FLII: variants seen among roughly 807,000 people sequenced by gnomAD.
FLII encodes the protein protein flightless-1 homolog.
FLII carries 101 observed loss-of-function variants against 156.2 expected under a neutral mutation model. That is an observed-to-expected ratio of 0.65 (90% confidence interval 0.55 to 0.76). The LOEUF is 0.76. FLII is among the 30% of genes least tolerant of loss of function. FLII has a pLI of 0.00. For synonymous variants in FLII, 767 were observed against 685.8 expected (o/e 1.12, Z -1.85); for missense variants, 1,675 against 1,682.8 (o/e 1.00, Z 0.08).
Position 18,245,289 on chromosome 17 carries a change from G to A in FLII, c.3676-17C>T, listed in dbSNP as rs377010006. The A allele has an allele frequency of 1.1e-5, 17 of 1,612,336 alleles. No individual in the cohort carries two copies. Among genetic ancestry groups the A allele is most frequent in the East Asian group, 2.2e-5 (1 of 44,792 alleles). On this transcript the variant is annotated splice_polypyrimidine_tract_variant and intron_variant, in intron 29 of 29. Transcript: ENST00000327031. The stretch of plus-strand genomic sequence containing the variant: ...GATATATACCTGGCAAGGGGACAGC[G>A]AGCCTTGGGTGATGACCCTGCCCTG...
rs1356833172 is a variant in FLII at position 18,254,655 on chromosome 17, G to A, written c.441C>T (p.Phe147=). The A allele has an allele frequency of 5.0e-6, 8 of 1,614,066 alleles. No homozygotes were observed. Among genetic ancestry groups the A allele is most frequent in the Non-Finnish European group, 6.8e-6 (8 of 1,179,964 alleles). Residue 147 remains phenylalanine (F), a synonymous_variant, in exon 6 of 30, where the codon TTC becomes TTT. Coordinates refer to ENST00000327031, the MANE Select transcript of FLII (RefSeq NM_002018.4). ...NSIDTIPNQL[F]INLTDLLYLD... ...GGTATAGTAGGTCAGTGAGGTTGAT[G>A]AAGAGCTGGTTGGGGATGGTGTCGA...
In FLII at chr17:18,249,399, T is replaced by G. The variant is rs757540362; in HGVS notation, c.1786A>C (p.Asn596His). The stretch of plus-strand genomic sequence containing the variant: ...CCACCCTCAATGTAGGAGATGTCGT[T>G]GTCAAACACCTGTGTGTGTGAGGGT... ...ESEEFLQVFD[N>H]DISYIEGGTA... Residue 596 changes from asparagine to histidine, a missense_variant, in exon 15 of 30, where the codon AAC (asparagine) becomes CAC (histidine). By Grantham distance (68) the Asn-to-His change is moderately conservative. This residue lies in a region of FLII where 1,332 missense variants were observed against 1,269.3 expected (regional missense o/e 1.05). Transcript: ENST00000327031. 6.2e-7 allele frequency: 1 copy of G among 1,613,974 alleles called. No individual in the cohort carries two copies. The highest frequency in any genetic ancestry group is 1.7e-5 in the Admixed American group (1 of 60,026).
chr17:18,254,267 C>T, intron 6 of FLII, 85 bp from the exon 7 acceptor site: 1 of 1,116,176 alleles, frequency 9.0e-7, no homozygotes, highest in Non-Finnish European at 1.3e-6. Context: ...ACCAAAAGCA[C>T]AGGGCCCAGA....
rs756002975 is a variant in FLII, at chr17:18,246,711, C to T, written c.2934G>A (p.Glu978=). The change falls in exon 23 of 30, where the codon GAG becomes GAA. Residue 978 remains glutamate (E), a synonymous_variant. Transcript: ENST00000327031. ...AGAAGTACACGATGCACTGGAAGTC[C>T]TCCTCTGGCTGCTTCTCCTCTGCCT... ...TAEAEEKQPE[E]DFQCIVYFWQ... 13 of 1,613,288 alleles carry T rather than the reference C, an allele frequency of 8.1e-6. No homozygotes were observed. Among genetic ancestry groups the T allele is most frequent in the Non-Finnish European group, 1.1e-5 (13 of 1,179,660 alleles).
chr17:18,254,301 G>T, intron 6 of FLII, 119 bp from the exon 7 acceptor site: 1 of 879,806 alleles, frequency 1.1e-6, no homozygotes, highest in Non-Finnish European at 1.7e-6. Flanking sequence ...GTCACATCTG[G>T]TTGAAGGGAC....
chr17:18,245,056 A>G lies in FLII; in HGVS notation c.*82T>C. The stretch of plus-strand genomic sequence containing the variant: ...GGACGTGGCTGGAGCAGGTGGTGTC[A>G]CCTGAGTACATTCTTTGCTAGCAGA... On this transcript the variant is annotated 3_prime_UTR_variant, in exon 30 of 30. Transcript: ENST00000327031. 6.7e-7 allele frequency: 1 copy of G among 1,485,550 alleles called. No individual in the cohort carries two copies. Among genetic ancestry groups the G allele is most frequent in the Non-Finnish European group, 9.2e-7 (1 of 1,091,528 alleles). 92.0% of individuals were successfully genotyped at this position (1,485,550 alleles called of 1,614,324 possible).
At chr17:18,247,598 T>G in intron 20 of FLII, 59 bp downstream of exon 20, 1 of 1,431,856 alleles carries the variant, frequency 7.0e-7, no homozygotes, top group South Asian at 1.4e-5. Flanking sequence ...GCCACAGGGG[T>G]CAGGGCATGT....
intron 3 of FLII, among the ~76,000 whole-genome samples, 175 bp downstream of exon 3, chr17:18,256,351 C>G (rs1329485130): frequency 1.3e-5 from 2 of 152,262 alleles, no homozygotes; most frequent in African/African-American, 2.4e-5. Flanking sequence ...TTACTTTACA[C>G]AGGGCACTGC....
At chr17:18,251,865 T>G (rs367660090) in intron 11 of FLII, 49 bp from the exon 12 acceptor site, 20 of 1,610,844 alleles carry the variant, frequency 1.2e-5, no homozygotes, top group Non-Finnish European at 1.5e-5. Context: ...TGCTGCCCCC[T>G]TGGGCATGCG....
In FLII at chr17:18,253,463, AG is replaced by A. The variant is rs754440307; in HGVS notation, c.856-6del. The A allele has an allele frequency of 6.2e-7, 1 of 1,613,682 alleles. No individual in the cohort carries two copies. The highest frequency in any genetic ancestry group is 8.5e-7 in the Non-Finnish European group (1 of 1,179,992). On this transcript the variant is annotated splice_region_variant and splice_polypyrimidine_tract_variant and intron_variant, in intron 8 of 29. Coordinates refer to ENST00000327031, the MANE Select transcript of FLII (RefSeq NM_002018.4). ...GCTCAGCTTGCAAATGGCTGACTGG[AG>A]GGGGAACGGGCAGGGGTGGGAGGTC...
At chr17:18,248,478 G>A (rs558062128) in intron 18 of FLII, 72 bp downstream of exon 18, 46 of 1,406,144 alleles carry the variant, frequency 3.3e-5, no homozygotes, top group South Asian at 2.2e-4. Flanking sequence ...CAACTACATC[G>A]GTGTGTAGTC....
chr17:18,249,102 C>A (rs752309537), intron 16 of FLII, 25 bp downstream of exon 16: 1 of 1,601,772 alleles, frequency 6.2e-7, no homozygotes, highest in East Asian at 2.2e-5. Context: ...ATGAAGCACC[C>A]CCACCTCACA....
chr17:18,251,361 T>C lies in FLII; in HGVS notation c.1500A>G (p.Gly500=), dbSNP rs1567712801. 6.2e-7 allele frequency: 1 copy of C among 1,613,762 alleles called. No homozygotes were observed. The highest frequency in any genetic ancestry group is 1.7e-5 in the Admixed American group (1 of 60,022). The change falls in exon 13 of 30, where the codon GGA becomes GGG. Residue 500 remains glycine (G), a synonymous_variant. Coordinates refer to ENST00000327031, the MANE Select transcript of FLII (RefSeq NM_002018.4). ...AGTTCTCTATCTGCCAGATGGTCAG[T>C]CCGGGCAGCTGGCCCACGTCCTCCG... The part of the protein sequence containing the change: ...FFTEDVGQLP[G]LTIWQIENFV...
In FLII at chr17:18,249,821, CA is replaced by C. The variant is rs72485518; in HGVS notation, c.1777-414del. 3.3e-3 allele frequency among the ~76,000 whole-genome samples: 498 copies of C among 149,786 alleles called. 1 individual carries two copies. Among genetic ancestry groups the C allele is most frequent in the African/African-American group, 0.012 (472 of 40,664 alleles). On this transcript the variant is annotated intron_variant, in intron 14 of 29. Transcript: ENST00000327031. ...AAACAAACAAACAAACAAACAACAACAAAAAAAACAGATCTGGCTGGGCACG... is the reference window on the plus strand; with the variant it reads ...AAACAAACAAACAAACAAACAACAACAAAAAAACAGATCTGGCTGGGCACG...
At position 18,258,712 on chromosome 17, in the gene FLII, CCGCGCCGGGCTAGGGAGCGCCGGGG is replaced by C; in HGVS notation, c.-47_-23del. ...CCATGGCGCCGCTCTCGCTGCCGGG[CCGCGCCGGGCTAGGGAGCGCCGGGG>C]CGAGGGCGCTGGGGGGAGCCGCGGG... On this transcript the variant is annotated 5_prime_UTR_variant, in exon 1 of 30. Transcript: ENST00000327031. This position sits in a 1 kb window ranked among gnomAD's most constrained non-coding sequence, Gnocchi z 4.2. 1.4e-6 allele frequency: 2 copies of C among 1,453,956 alleles called. No homozygotes were observed. The highest frequency in any genetic ancestry group is 1.8e-6 in the Non-Finnish European group (2 of 1,108,430). The allele number at this position is 1,453,956 out of a possible 1,614,324, so 90.1% of individuals were successfully genotyped here.
At chr17:18,256,659 G>A (rs2048427783) in intron 2 of FLII, 62 bp from the exon 3 acceptor site, 1 of 1,411,270 alleles carries the variant, frequency 7.1e-7, no homozygotes, top group Non-Finnish European at 9.8e-7. Flanking sequence ...GTCCCTGCCT[G>A]CCTCCACAAC....
Position 18,248,594 on chromosome 17 carries a change from G to T in FLII, c.2146C>A (p.His716Asn). The part of the protein sequence containing the change: ...LGGEPSEIKK[H>N]VPEDFWPPQP... ...GGCGGCCAGAAGTCTTCAGGCACGTGCTTCTTGATCTCAGAGGGCTCCCCA... is the reference window on the plus strand; with the variant it reads ...GGCGGCCAGAAGTCTTCAGGCACGTTCTTCTTGATCTCAGAGGGCTCCCCA... The change falls in exon 18 of 30, where the codon CAC (histidine) becomes AAC (asparagine). Residue 716 changes from histidine to asparagine, a missense_variant. Physicochemically the swap from His to Asn is moderately conservative, Grantham distance 68 (BLOSUM62 1). Transcript: ENST00000327031. 6.2e-7 allele frequency: 1 copy of T among 1,613,368 alleles called. No individual in the cohort carries two copies.
chr17:18,245,944 TAGG>T lies in FLII; in HGVS notation c.3383_3385del (p.Ser1128del). On this transcript the variant is annotated inframe_deletion, in exon 26 of 30. Transcript: ENST00000327031. ...CGCCCGCCTCCTGACCTGCTTGCTG[TAGG>T]AGGTGTCAAACATGGTGTTCAGGAT... 9.9e-6 allele frequency: 16 copies of T among 1,613,984 alleles called. No individual in the cohort carries two copies. Among genetic ancestry groups the T allele is most frequent in the Non-Finnish European group, 1.4e-5 (16 of 1,179,946 alleles).
intron 14 of FLII, 24 bp downstream of exon 14, chr17:18,250,814 C>T: frequency 1.3e-6 from 2 of 1,597,530 alleles, no homozygotes; most frequent in South Asian, 1.1e-5. Flanking sequence ...ACTCTGCCCA[C>T]CCCCAATTTT....
Sources: allele counts gnomAD v4.1 joint callset (sites outside exome capture counted in the v4.1 genomes callset), GRCh38; gene constraint gnomAD v4.1.1; regional missense constraint gnomAD v4.1.1; non-coding constraint Gnocchi (gnomAD v3.1); transcripts MANE v1.5; gene names NCBI Gene and HGNC (gene_info 2026-07-23, HGNC 2026-07-21).